CDK15: variants seen among roughly 807,000 people sequenced by gnomAD.
The protein encoded by CDK15 is cyclin-dependent kinase 15.
A neutral mutation model predicts 60.3 loss-of-function variants in CDK15; 62 were observed. The ratio of observed to expected loss-of-function variants is 1.03; its 90% CI spans 0.84 to 1.27. The LOEUF is 1.27. Among genes scored for constraint, CDK15 ranks in the 50% most tolerant of loss-of-function variants. CDK15 has a pLI of 0.00. For synonymous variants in CDK15, 194 were observed against 195.7 expected, an observed-to-expected ratio of 0.99 and a Z score of 0.07; for missense variants, 541 against 527.8, an observed-to-expected ratio of 1.03 and a Z score of -0.25.
At chr2:201,851,291 CAAAAAAAAA>C (rs1176883047) in intron 9 of CDK15, among the ~76,000 whole-genome samples, 18 of 27,768 alleles carry the variant, frequency 6.5e-4, no homozygotes, top group East Asian at 4.2e-3. Flanking sequence ...GACTTCATCT[CAAAAAAAAA>C]AAAAAAAAAA....
chr2:201,879,095 T>C (rs1431702441), intron 11 of CDK15, among the ~76,000 whole-genome samples: 3 of 152,162 alleles, frequency 2.0e-5, no homozygotes, highest in African/African-American at 7.2e-5. Flanking sequence ...AGTTGCTCAA[T>C]AAATGTATTT....
chr2:201,836,035 T>TA (rs56394105), intron 8 of CDK15, among the ~76,000 whole-genome samples: 11 of 118,614 alleles, frequency 9.3e-5, no homozygotes, highest in East Asian at 2.2e-4. Context: ...TTTATATATA[T>TA]TTTATATATA....
intron 1 of CDK15, among the ~76,000 whole-genome samples, chr2:201,807,209 C>T (rs1030078390): frequency 6.6e-6 from 1 of 151,608 alleles, no homozygotes; most frequent in Admixed American, 6.6e-5. Flanking sequence ...AAAAAAAAAG[C>T]CAGACTTAAA....
chr2:201,821,572 G>A (rs570290724), intron 4 of CDK15, among the ~76,000 whole-genome samples: 100 of 152,236 alleles, frequency 6.6e-4, no homozygotes, highest in African/African-American at 2.3e-3. Context: ...TGCAGGCATA[G>A]GCTACAGAAT....
At chr2:201,810,837 CTTTTTTTT>C (rs199591982) in intron 3 of CDK15, among the ~76,000 whole-genome samples, 30 of 123,638 alleles carry the variant, frequency 2.4e-4, no homozygotes, top group South Asian at 1.2e-3. Flanking sequence ...GGTATGCACT[CTTTTTTTT>C]TTTTTTTTTT....
chr2:201,863,647 C>G (rs1202802440), intron 10 of CDK15, among the ~76,000 whole-genome samples: 1 of 151,786 alleles, frequency 6.6e-6, no homozygotes, highest in Non-Finnish European at 1.5e-5. Context: ...TGTAATCCCA[C>G]CACTTTGGGA....
At chr2:201,861,627 C>T in intron 10 of CDK15, 1 of 704,646 alleles carries the variant, frequency 1.4e-6, no homozygotes, top group Non-Finnish European at 1.7e-6. Flanking sequence ...GTGGCATGAT[C>T]TCGGCTCACC....
At chr2:201,865,566 G>A (rs191090034) in intron 10 of CDK15, among the ~76,000 whole-genome samples, 7 of 152,174 alleles carry the variant, frequency 4.6e-5, no homozygotes, top group African/African-American at 1.4e-4. Flanking sequence ...GGCTTTTAGA[G>A]CATCCTGATG....
intron 6 of CDK15, among the ~76,000 whole-genome samples, chr2:201,831,362 A>G (rs1421303324): frequency 6.6e-6 from 1 of 152,228 alleles, no homozygotes; most frequent in Non-Finnish European, 1.5e-5. Flanking sequence ...AGTTGGAAAC[A>G]GGTCTAACTC....
chr2:201,845,682 A>G (rs1455678794), intron 8 of CDK15, among the ~76,000 whole-genome samples: 1 of 151,894 alleles, frequency 6.6e-6, no homozygotes, highest in African/African-American at 2.4e-5. Context: ...TAAGGACCAT[A>G]TTTTAAAATA....
At chr2:201,843,243 G>A (rs892374636) in intron 8 of CDK15, among the ~76,000 whole-genome samples, 1 of 152,092 alleles carries the variant, frequency 6.6e-6, no homozygotes, top group Non-Finnish European at 1.5e-5. Context: ...CTGGAGTGCA[G>A]TGGTGCGATG....
rs750823228 is a variant in CDK15 at position 201,807,641 on chromosome 2, T to C, written c.271T>C (p.Trp91Arg). 6.2e-7 allele frequency: 1 copy of C among 1,614,014 alleles called. No homozygotes were observed. The highest frequency in any genetic ancestry group is 1.7e-5 in the Admixed American group (1 of 60,000). ...AGAGGATCTGAGGCAGGGTTTTCAGTGGGTGAGTGAGCAGCTGATGTTGAT... is the reference window on the plus strand; with the variant it reads ...AGAGGATCTGAGGCAGGGTTTTCAGCGGGTGAGTGAGCAGCTGATGTTGAT... ...QEEDLRQGFQ[W>R]RKSLPFGAAS... Residue 91 changes from tryptophan to arginine, a missense_variant and splice_region_variant, in exon 2 of 14, where the codon TGG (tryptophan) becomes CGG (arginine). Coordinates refer to ENST00000652192, the MANE Select transcript of CDK15 (RefSeq NM_001366386.2).
chr2:201,889,230 C>G (rs903548953), intron 12 of CDK15: 2 of 985,246 alleles, frequency 2.0e-6, no homozygotes, highest in Non-Finnish European at 2.4e-6. Flanking sequence ...ACAGAAGGCT[C>G]TCTTTTTGTT....
intron 10 of CDK15, among the ~76,000 whole-genome samples, chr2:201,870,039 G>C (rs1259254918): frequency 6.6e-6 from 1 of 152,188 alleles, no homozygotes; most frequent in African/African-American, 2.4e-5. Flanking sequence ...TAAAATGCCA[G>C]CAGAGAGGTC....
chr2:201,822,930 C>T lies in CDK15; in HGVS notation c.543+27C>T, dbSNP rs762068693. 1.0e-5 allele frequency: 14 copies of T among 1,359,786 alleles called. No individual in the cohort carries two copies. In the East Asian group the frequency reaches 3.2e-4, roughly 31 times the overall value. The allele number at this position is 1,359,786 out of a possible 1,614,324, so 84.2% of individuals were successfully genotyped here. A position where few individuals can be genotyped will look rare whatever the true frequency, so the allele number is the denominator to read the frequency against. The stretch of plus-strand genomic sequence containing the variant: ...TGAGTTGTTCGAGCATTTTACAACA[C>T]TTGAGAAAAATAACCTGGTACTTGT... On this transcript the variant is annotated intron_variant, in intron 5 of 13. Transcript: ENST00000652192.
At chr2:201,853,731 TAAA>T (rs10713854) in intron 9 of CDK15, among the ~76,000 whole-genome samples, 13 of 149,034 alleles carry the variant, frequency 8.7e-5, no homozygotes, top group African/African-American at 3.0e-4. Context: ...GATTATTCTT[TAAA>T]AAAAAAAAAA....
intron 3 of CDK15, among the ~76,000 whole-genome samples, chr2:201,811,946 G>T (rs2106153159): frequency 6.6e-6 from 1 of 152,214 alleles, no homozygotes; most frequent in South Asian, 2.1e-4. Flanking sequence ...CCTGACGTGG[G>T]CAGATCACCT....
chr2:201,889,181 G>C, intron 12 of CDK15: 2 of 985,376 alleles, frequency 2.0e-6, no homozygotes, highest in Non-Finnish European at 2.4e-6. Context: ...CCAGCAAACA[G>C]TATTATTTAA....
chr2:201,806,933 G>C (rs1695537104), intron 1 of CDK15, 146 bp downstream of exon 1: 2 of 985,060 alleles, frequency 2.0e-6, no homozygotes, highest in Admixed American at 6.2e-5. Flanking sequence ...AAAATTTATG[G>C]CTGTAGTTAT....
Sources: allele counts gnomAD v4.1 joint callset (sites outside exome capture counted in the v4.1 genomes callset), GRCh38; gene constraint gnomAD v4.1.1; transcripts MANE v1.5; gene names NCBI Gene and HGNC (gene_info 2026-07-23, HGNC 2026-07-21).